PALS2: variants seen among roughly 807,000 people sequenced by gnomAD.
PALS2 encodes protein PALS2.
PALS2 carries 27 observed loss-of-function variants against 61.6 expected under a neutral mutation model. That is an observed-to-expected ratio of 0.44 (90% CI 0.32 to 0.60). The LOEUF is 0.60. Ranked by LOEUF, PALS2 falls within the 20% of genes least tolerant of loss-of-function variation. PALS2 has a pLI of 0.05. For synonymous variants in PALS2, 236 were observed against 218.6 expected, an observed-to-expected ratio of 1.08 and a Z score of -0.70; for missense variants, 554 against 639.4, an observed-to-expected ratio of 0.87 and a Z score of 1.44.
chr7:24,680,659 G>T (rs995488997), intron 11 of PALS2, 139 bp downstream of exon 11: 27 of 1,144,738 alleles, frequency 2.4e-5, no homozygotes, highest in Admixed American at 9.5e-5. Context: ...GCATTGATGC[G>T]ATCTCAGCTC....
chr7:24,585,787 C>G (rs1389685159), intron 1 of PALS2, among the ~76,000 whole-genome samples: 3 of 152,216 alleles, frequency 2.0e-5, no homozygotes, highest in African/African-American at 4.8e-5. Flanking sequence ...CAAGCTCCGC[C>G]TCCTGGGTTC....
At chr7:24,642,688 A>T (rs1785623913) in intron 3 of PALS2, among the ~76,000 whole-genome samples, 1 of 152,160 alleles carries the variant, frequency 6.6e-6, no homozygotes, top group Non-Finnish European at 1.5e-5. Flanking sequence ...CAAAGATTTT[A>T]TGTGACTCTT....
chr7:24,611,554 C>A (rs1315839813), intron 1 of PALS2, among the ~76,000 whole-genome samples: 1 of 151,784 alleles, frequency 6.6e-6, no homozygotes, highest in Non-Finnish European at 1.5e-5. Context: ...AAGATGATTT[C>A]TGCACTCATA....
At chr7:24,682,030 C>T (rs1036128304) in intron 11 of PALS2, among the ~76,000 whole-genome samples, 8 of 152,138 alleles carry the variant, frequency 5.3e-5, no homozygotes, top group African/African-American at 1.9e-4. Flanking sequence ...TCTTTGCAAT[C>T]CTGGGAACTT....
At chr7:24,574,682 A>G (rs951175295) in intron 1 of PALS2, among the ~76,000 whole-genome samples, 3 of 152,260 alleles carry the variant, frequency 2.0e-5, no homozygotes, top group African/African-American at 4.8e-5. Flanking sequence ...TTGTGCTTCA[A>G]GTATATTACA....
At chr7:24,631,441 A>G (rs536687948) in intron 2 of PALS2, among the ~76,000 whole-genome samples, 3 of 152,326 alleles carry the variant, frequency 2.0e-5, no homozygotes, top group African/African-American at 7.2e-5. Flanking sequence ...TGGAGGAGCA[A>G]AGAAAGTGGT....
chr7:24,617,017 CTCT>C (rs1026106445), intron 1 of PALS2, among the ~76,000 whole-genome samples: 3 of 152,214 alleles, frequency 2.0e-5, no homozygotes, highest in East Asian at 1.9e-4. Context: ...TATTTCCCTT[CTCT>C]TCTTCTTCTG....
chr7:24,613,696 C>G (rs1014498320), intron 1 of PALS2, among the ~76,000 whole-genome samples: 1 of 151,850 alleles, frequency 6.6e-6, no homozygotes, highest in Non-Finnish European at 1.5e-5. Flanking sequence ...TTCCTCATAT[C>G]TAGCTGTAAT....
In PALS2 at chr7:24,579,904, A is replaced by G. The variant is rs184580540; in HGVS notation, c.-3+6311A>G. ...TTTCATAGTTGCTTTGTTCTGTAGG[A>G]TATTATTAGATATTAGTTGGGTAGG... On this transcript the variant is annotated intron_variant, in intron 1 of 11. Coordinates refer to ENST00000222644, the MANE Select transcript of PALS2 (RefSeq NM_001303037.2). Among the ~76,000 whole-genome samples the G allele has an allele frequency of 2.3e-3, 351 of 152,242 alleles. 1 individual carries two copies. The highest frequency in any genetic ancestry group is 8.0e-3 in the African/African-American group (331 of 41,552).
chr7:24,619,794 A>G (rs913599443), intron 1 of PALS2, among the ~76,000 whole-genome samples: 1 of 151,632 alleles, frequency 6.6e-6, no homozygotes, highest in Non-Finnish European at 1.5e-5. Flanking sequence ...TAAAATGTTT[A>G]TCTCCTCTAG....
At chr7:24,654,428 C>T (rs984473399) in intron 5 of PALS2, among the ~76,000 whole-genome samples, 2 of 152,048 alleles carry the variant, frequency 1.3e-5, no homozygotes, top group South Asian at 2.1e-4. Context: ...TACCAAGGTA[C>T]CTGAAAATAA....
intron 11 of PALS2, among the ~76,000 whole-genome samples, chr7:24,685,117 C>G (rs999267785): frequency 6.6e-6 from 1 of 152,044 alleles, no homozygotes; most frequent in African/African-American, 2.4e-5. Flanking sequence ...TCCTCGTGCT[C>G]CCACCCTGAC....
In PALS2 at chr7:24,687,538, C is replaced by T; in HGVS notation, c.1547C>T (p.Ala516Val). Reference sequence around the variant, plus strand: ...ATCATAAATGATAATCTAGACAAAGCCTTTGAAAAACTGCAAACTGCCATA... The same window carrying T: ...ATCATAAATGATAATCTAGACAAAGTCTTTGAAAAACTGCAAACTGCCATA... ...LIIINDNLDK[A>V]FEKLQTAIEK... Residue 516 changes from alanine to valine, a missense_variant, in exon 12 of 12, where the codon GCC becomes GTC. Physicochemically the swap from Ala to Val is moderately conservative, Grantham distance 64. Coordinates refer to ENST00000222644, the MANE Select transcript of PALS2 (RefSeq NM_001303037.2). The surrounding 1 kb of genome is among the most constrained non-coding windows in gnomAD (Gnocchi z 4.5). 1 of 1,612,950 alleles carries T rather than the reference C, an allele frequency of 6.2e-7. No homozygotes were observed. The highest frequency in any genetic ancestry group is 8.5e-7 in the Non-Finnish European group (1 of 1,179,614).
intron 1 of PALS2, chr7:24,588,973 C>G (rs1277989178): frequency 6.6e-6 from 1 of 152,116 alleles, no homozygotes; most frequent in Non-Finnish European, 1.5e-5. Context: ...TAATTCCAGT[C>G]TGCCTATGTA....
At chr7:24,635,418 C>A (rs1033473611) in intron 2 of PALS2, among the ~76,000 whole-genome samples, 2 of 152,110 alleles carry the variant, frequency 1.3e-5, no homozygotes, top group Admixed American at 1.3e-4. Context: ...TGCATCCTTG[C>A]TGAACTTATT....
chr7:24,649,472 A>G, intron 3 of PALS2, 140 bp from the exon 4 acceptor site: 1 of 479,318 alleles, frequency 2.1e-6, no homozygotes, highest in Non-Finnish European at 3.5e-6. Context: ...TATTTGATCA[A>G]CCTGATATTT....
Position 24,573,593 on chromosome 7 carries a change from G to T in PALS2, c.-3G>T, listed in dbSNP as rs1406331722. 9 of 371,830 alleles carry T rather than the reference G, an allele frequency of 2.4e-5. No individual in the cohort carries two copies. Among genetic ancestry groups the T allele is most frequent in the Admixed American group, 1.4e-4 (3 of 21,614 alleles). The allele number at this position is 371,830 out of a possible 1,614,324, so 23.0% of individuals were successfully genotyped here. On this transcript the variant is annotated splice_region_variant and 5_prime_UTR_variant, in exon 1 of 12. Transcript: ENST00000222644. This position sits in a 1 kb window ranked among gnomAD's most constrained non-coding sequence, Gnocchi z 5.3. Reference sequence around the variant, plus strand: ...CGCGGAGGCGGCTGAGGTGCGAGCCGGTGAGTTAACTGGACCCCCACGCCG... The same window carrying T: ...CGCGGAGGCGGCTGAGGTGCGAGCCTGTGAGTTAACTGGACCCCCACGCCG...
rs894818719 is a variant in PALS2, at chr7:24,687,474, C to T, written c.1483C>T (p.Arg495Trp). Residue 495 changes from arginine (R) to tryptophan (W), a missense_variant, in exon 12 of 12, where the codon CGG becomes TGG. Transcript: ENST00000222644. The surrounding 1 kb of genome is among the most constrained non-coding windows in gnomAD (Gnocchi z 4.5). ...DLKKTVDESA[R>W]IQRAYNHYFD... Reference sequence around the variant, plus strand: ...GAAGAAAACAGTGGATGAAAGTGCACGGATTCAGAGAGCATACAACCACTA... The same window carrying T: ...GAAGAAAACAGTGGATGAAAGTGCATGGATTCAGAGAGCATACAACCACTA... 26 of 1,610,580 alleles carry T rather than the reference C, an allele frequency of 1.6e-5. No homozygotes were observed. The highest frequency in any genetic ancestry group is 1.7e-4 in the Middle Eastern group (1 of 5,958).
At chr7:24,576,258 T>C (rs1330197458) in intron 1 of PALS2, among the ~76,000 whole-genome samples, 1 of 152,206 alleles carries the variant, frequency 6.6e-6, no homozygotes, top group Non-Finnish European at 1.5e-5. Flanking sequence ...ATTTTTTTGT[T>C]GTAGGGACCA....
Sources: allele counts gnomAD v4.1 joint callset (sites outside exome capture counted in the v4.1 genomes callset), GRCh38; gene constraint gnomAD v4.1.1; non-coding constraint Gnocchi (gnomAD v3.1); transcripts MANE v1.5; gene names NCBI Gene and HGNC (gene_info 2026-07-23, HGNC 2026-07-21).